Variants in DAAM2 observed in about 807,000 individuals in gnomAD.
DAAM2 encodes dishevelled associated activator of morphogenesis 2.
In DAAM2, 39 loss-of-function variants were observed where a neutral mutation model predicts 120.7. That is an observed-to-expected ratio of 0.32 (90% CI 0.25 to 0.42). The LOEUF is 0.42. DAAM2 is among the 10% of genes least tolerant of loss of function. DAAM2 has a pLI of 1.00. For missense variants in DAAM2, 1,283 were observed against 1,401.7 expected, an observed-to-expected ratio of 0.92 and a Z score of 1.35; for synonymous variants, 488 against 524.9, an observed-to-expected ratio of 0.93 and a Z score of 0.96.
At chr6:39,845,254 G>A (rs1346924625) in intron 1 of DAAM2, among the ~76,000 whole-genome samples, 6 of 3,014 alleles carry the variant, frequency 2.0e-3, no homozygotes, top group African/African-American at 6.3e-3. Flanking sequence ...CACACATATC[G>A]CACATACACA....
Position 39,879,243 on chromosome 6 carries a change from C to A in DAAM2, c.1611C>A (p.Thr537=). Residue 537 remains threonine, a synonymous_variant, in exon 14 of 25, where the codon ACC becomes ACA. Transcript: ENST00000274867. ...GPLTLSSSMT[T]NDLPPPPPPL... ...TCACCTTGTCTTCCTCAATGACAAC[C>A]AATGACCTGCCTCCACCCCCTCCTC... is the stretch of plus-strand genomic sequence containing the variant. The A allele has an allele frequency of 1.3e-6, 2 of 1,548,416 alleles. No homozygotes were observed. The highest frequency in any genetic ancestry group is 1.7e-6 in the Non-Finnish European group (2 of 1,144,594).
intron 1 of DAAM2, among the ~76,000 whole-genome samples, chr6:39,817,574 A>C (rs1007331734): frequency 1.3e-5 from 2 of 152,222 alleles, no homozygotes; most frequent in African/African-American, 2.4e-5. Context: ...TCAGTGTTCT[A>C]TAGTGAAACA....
chr6:39,859,971 C>T (rs752547663), intron 2 of DAAM2, among the ~76,000 whole-genome samples: 2 of 152,054 alleles, frequency 1.3e-5, no homozygotes, highest in Non-Finnish European at 2.9e-5. Context: ...TAATATTATG[C>T]TTTGTTATGC....
At chr6:39,821,389 C>G (rs193041775) in intron 1 of DAAM2, 1 of 152,414 alleles carries the variant, frequency 6.6e-6, no homozygotes, top group East Asian at 1.9e-4. Context: ...TCCCAGCACC[C>G]AGCTCTGGGA....
At chr6:39,880,904 A>G (rs2149333994) in intron 14 of DAAM2, among the ~76,000 whole-genome samples, 1 of 152,350 alleles carries the variant, frequency 6.6e-6, no homozygotes, top group Middle Eastern at 3.4e-3. Context: ...GGTGAGCCAG[A>G]AAGACAAACT....
At chr6:39,792,574 C>T (rs1202043690) in intron 1 of DAAM2, 109 bp downstream of exon 1, 1 of 152,084 alleles carries the variant, frequency 6.6e-6, no homozygotes, top group Non-Finnish European at 1.5e-5. Context: ...GCATGCCCCG[C>T]GGGGCTTGGG....
chr6:39,886,523 C>G (rs1765387769), intron 15 of DAAM2: 3 of 399,114 alleles, frequency 7.5e-6, no homozygotes, highest in Non-Finnish European at 1.3e-5. Flanking sequence ...CTGGGCCTGA[C>G]AGAGAGGACT....
chr6:39,827,358 T>A (rs924341012), intron 1 of DAAM2, among the ~76,000 whole-genome samples: 1 of 152,164 alleles, frequency 6.6e-6, no homozygotes, highest in African/African-American at 2.4e-5. Context: ...CTGCAGATCA[T>A]GTCGGAGAAA....
chr6:39,878,388 C>T lies in DAAM2; in HGVS notation c.1361-16C>T. 7 of 1,610,696 alleles carry T rather than the reference C, an allele frequency of 4.3e-6. No individual in the cohort carries two copies. The highest frequency in any genetic ancestry group is 5.9e-6 in the Non-Finnish European group (7 of 1,178,088). On this transcript the variant is annotated splice_polypyrimidine_tract_variant and intron_variant, in intron 12 of 24. Transcript: ENST00000274867. This position sits in a 1 kb window ranked among gnomAD's most constrained non-coding sequence, Gnocchi z 5.0. ...TCTCTCCTTCTGTTTCCTCTCCCGT[C>T]CCACCCCCATTCCAGAACACATGGA...
At chr6:39,866,528 G>A (rs1208458348) in intron 5 of DAAM2, among the ~76,000 whole-genome samples, 1 of 152,216 alleles carries the variant, frequency 6.6e-6, no homozygotes, top group Non-Finnish European at 1.5e-5. Flanking sequence ...GGGTACCTGT[G>A]TGTGTGGGCA....
chr6:39,861,899 G>A (rs911026132), intron 3 of DAAM2: 16 of 152,546 alleles, frequency 1.0e-4, no homozygotes, highest in African/African-American at 3.6e-4. Flanking sequence ...GGTCTGGGCG[G>A]AGTCTGAGCC....
In DAAM2 at chr6:39,902,769, ACT is replaced by A. The variant is rs933638499; in HGVS notation, c.*734_*735del. The stretch of plus-strand genomic sequence containing the variant: ...GTCTACTAATCCACAGTCCTAGAAG[ACT>A]CACCTTGGGTTTCCACAGCTATGGC... On this transcript the variant is annotated 3_prime_UTR_variant, in exon 25 of 25. Coordinates refer to ENST00000274867, the MANE Select transcript of DAAM2 (RefSeq NM_001201427.2). 2 of 152,070 alleles carry A rather than the reference ACT, an allele frequency of 1.3e-5. No individual in the cohort carries two copies. The highest frequency in any genetic ancestry group is 2.9e-5 in the Non-Finnish European group (2 of 68,146). The allele number at this position is 152,070 out of a possible 1,614,324, so 9.4% of individuals were successfully genotyped here.
intron 21 of DAAM2, 34 bp downstream of exon 21, chr6:39,897,316 T>A: frequency 3.0e-6 from 4 of 1,342,700 alleles, no homozygotes; most frequent in Non-Finnish European, 2.1e-6. Flanking sequence ...CTTCTCCCCA[T>A]GATGACCCTC....
intron 19 of DAAM2, among the ~76,000 whole-genome samples, chr6:39,894,666 G>A (rs1392424411): frequency 6.6e-6 from 1 of 152,004 alleles, no homozygotes; most frequent in Non-Finnish European, 1.5e-5. Context: ...TGTCACCCAG[G>A]CTGGAGTGCA....
intron 1 of DAAM2, among the ~76,000 whole-genome samples, chr6:39,848,153 C>T (rs1170996100): frequency 6.6e-6 from 1 of 152,238 alleles, no homozygotes; most frequent in Non-Finnish European, 1.5e-5. Context: ...TTCATTGACA[C>T]TTCTTCTGGT....
chr6:39,891,331 C>T lies in DAAM2; in HGVS notation c.2146-10C>T, dbSNP rs1356226973. ...CAGTTGCTTGTGTGACTTGCGCCTG[C>T]TCTTTGCAGCTCCTCAAGTTCATCC... is the stretch of plus-strand genomic sequence containing the variant. On this transcript the variant is annotated splice_polypyrimidine_tract_variant and intron_variant, in intron 17 of 24. Transcript: ENST00000274867. 1 of 1,592,922 alleles carries T rather than the reference C, an allele frequency of 6.3e-7. No homozygotes were observed. Among genetic ancestry groups the T allele is most frequent in the Non-Finnish European group, 8.6e-7 (1 of 1,167,446 alleles).
chr6:39,847,675 C>A (rs1763650204), intron 1 of DAAM2, among the ~76,000 whole-genome samples: 1 of 152,084 alleles, frequency 6.6e-6, no homozygotes, highest in African/African-American at 2.4e-5. Flanking sequence ...CGTGGCACCA[C>A]CAGCATCCAC....
At position 39,840,725 on chromosome 6, in the gene DAAM2, A is replaced by T. The variant is rs1180220004; in HGVS notation, c.-56-15522A>T. Among the ~76,000 whole-genome samples, 6 of 152,290 alleles carry T rather than the reference A, an allele frequency of 3.9e-5. No homozygotes were observed. The East Asian group carries it at 1.2e-3, about 30-fold the overall frequency. The stretch of plus-strand genomic sequence containing the variant: ...ACATCCAGGGTCTGCACCTTGGCAA[A>T]GCCCTGGTCTATCTACTATGTGCCA... On this transcript the variant is annotated intron_variant, in intron 1 of 24. Coordinates refer to ENST00000274867, the MANE Select transcript of DAAM2 (RefSeq NM_001201427.2).
In DAAM2 at chr6:39,847,706, C is replaced by T. The variant is rs190686458; in HGVS notation, c.-56-8541C>T. Among the ~76,000 whole-genome samples the T allele has an allele frequency of 3.6e-4, 55 of 152,202 alleles. 1 individual carries two copies. The highest frequency in any genetic ancestry group is 3.4e-3 in the Middle Eastern group (1 of 294). ...TCCACCCCTTCCTCTCTATTCTTGG[C>T]GGTTCAGGGTCTCATTCCCTTCTAC... On this transcript the variant is annotated intron_variant, in intron 1 of 24. Transcript: ENST00000274867.
Sources: gnomAD v4.1 joint callset for allele counts (sites outside exome capture counted in the v4.1 genomes callset) on GRCh38, gnomAD v4.1.1 for gene constraint, Gnocchi (gnomAD v3.1) non-coding constraint, MANE v1.5 for transcripts, NCBI Gene and HGNC (gene_info 2026-07-23, HGNC 2026-07-21) for gene names.